Variants in LRP1B observed in about 807,000 individuals in gnomAD.
LRP1B encodes LDL receptor related protein 1B.
LRP1B carries 217 observed loss-of-function variants against 556.6 expected under a neutral mutation model. The observed-to-expected ratio is 0.39, with a 90% CI of 0.35 to 0.44. The LOEUF (loss-of-function observed/expected upper bound fraction) is 0.44. LRP1B is among the 20% of genes least tolerant of loss of function. The probability of loss-of-function intolerance (pLI) is 1.00; values close to 1 mark genes in which losing one functional copy is unlikely to be tolerated. For synonymous variants in LRP1B, 2,047 were observed against 1,865.8 expected, an observed-to-expected ratio of 1.10 and a Z score of -2.50; for missense variants, 5,053 against 5,620.8, an observed-to-expected ratio of 0.90 and a Z score of 3.23.
At chr2:140,878,877 C>T (rs1450410978) in intron 25 of LRP1B, among the ~76,000 whole-genome samples, 1 of 151,602 alleles carries the variant, frequency 6.6e-6, no homozygotes, top group Non-Finnish European at 1.5e-5. Flanking sequence ...CGTGGTGGCA[C>T]GCATCTGTAA....
At chr2:140,843,066 T>G (rs1692160801) in intron 29 of LRP1B, among the ~76,000 whole-genome samples, 2 of 105,288 alleles carry the variant, frequency 1.9e-5, no homozygotes, top group Admixed American at 2.4e-4. Context: ...GTTTTTTTTT[T>G]GTTTTTTTTT....
chr2:140,363,839 G>A (rs570159866), intron 72 of LRP1B, among the ~76,000 whole-genome samples: 7 of 151,538 alleles, frequency 4.6e-5, no homozygotes, highest in Admixed American at 6.6e-5. Flanking sequence ...GTGTAAGTAC[G>A]TACACTCATG....
chr2:140,689,748 A>T (rs1354540992), intron 41 of LRP1B, among the ~76,000 whole-genome samples: 2 of 152,142 alleles, frequency 1.3e-5, no homozygotes, highest in Non-Finnish European at 2.9e-5. Flanking sequence ...AATCAGCCTC[A>T]CTAACTATAA....
chr2:140,282,097 CA>C (rs1682938753), intron 84 of LRP1B, among the ~76,000 whole-genome samples: 1 of 151,780 alleles, frequency 6.6e-6, no homozygotes. Context: ...TTAAGTTCTC[CA>C]AGATATCCTT....
At chr2:141,243,640 T>C (rs1276234624) in intron 5 of LRP1B, among the ~76,000 whole-genome samples, 1 of 143,632 alleles carries the variant, frequency 7.0e-6, no homozygotes, top group African/African-American at 2.4e-5. Flanking sequence ...CTTTAAAAAA[T>C]ATGTTTCAGA....
At chr2:141,817,472 A>G (rs935573234) in intron 1 of LRP1B, among the ~76,000 whole-genome samples, 3 of 152,084 alleles carry the variant, frequency 2.0e-5, no homozygotes, top group Admixed American at 2.0e-4. Context: ...GAAAACATCT[A>G]ATTATGTATT....
chr2:142,010,528 C>T (rs754812948), intron 1 of LRP1B, among the ~76,000 whole-genome samples: 1 of 121,454 alleles, frequency 8.2e-6, no homozygotes, highest in Non-Finnish European at 1.6e-5. Flanking sequence ...GCACTCCAGG[C>T]TGGGCGACAG....
At chr2:141,352,385 T>A (rs1000119990) in intron 3 of LRP1B, among the ~76,000 whole-genome samples, 1 of 151,866 alleles carries the variant, frequency 6.6e-6, no homozygotes, top group Non-Finnish European at 1.5e-5. Context: ...TTTTTAAAAT[T>A]TTTTTTATTT....
chr2:140,726,159 G>C (rs534591404), intron 35 of LRP1B, among the ~76,000 whole-genome samples: 1 of 152,156 alleles, frequency 6.6e-6, no homozygotes, highest in East Asian at 1.9e-4. Context: ...ATGCTACACA[G>C]CCCCTCTTCC....
At chr2:140,533,296 T>C (rs900457178) in intron 47 of LRP1B, among the ~76,000 whole-genome samples, 9 of 152,160 alleles carry the variant, frequency 5.9e-5, no homozygotes, top group African/African-American at 2.2e-4. Flanking sequence ...TATTTAATAT[T>C]GTTTTTCTTA....
intron 1 of LRP1B, among the ~76,000 whole-genome samples, chr2:141,835,961 A>T (rs1346706446): frequency 6.6e-6 from 1 of 152,010 alleles, no homozygotes; most frequent in African/African-American, 2.4e-5. Context: ...AACTATAAAC[A>T]TTTTAATATC....
At chr2:140,340,232 A>T (rs1040305759) in intron 77 of LRP1B, among the ~76,000 whole-genome samples, 7 of 151,596 alleles carry the variant, frequency 4.6e-5, no homozygotes, top group Non-Finnish European at 1.0e-4. Context: ...TGAATTTGGA[A>T]TCAGAAGAAC....
intron 1 of LRP1B, among the ~76,000 whole-genome samples, chr2:142,016,308 C>T (rs1227505480): frequency 1.3e-5 from 2 of 152,088 alleles, no homozygotes; most frequent in African/African-American, 2.4e-5. Flanking sequence ...TACCATTTGA[C>T]CCAGCCATCC....
At chr2:141,816,791 A>AT (rs1320327998) in intron 1 of LRP1B, among the ~76,000 whole-genome samples, 3,110 of 147,148 alleles carry the variant, frequency 0.021, 55 homozygotes, top group African/African-American at 0.043. Flanking sequence ...CAAAAATGAC[A>AT]TTTTTTTTTT....
intron 2 of LRP1B, among the ~76,000 whole-genome samples, chr2:141,619,144 C>A (rs556130687): frequency 6.6e-6 from 1 of 152,174 alleles, no homozygotes; most frequent in Non-Finnish European, 1.5e-5. Context: ...TTATGCCACT[C>A]CCCACCTCAA....
chr2:141,659,945 T>C (rs948771022), intron 2 of LRP1B, among the ~76,000 whole-genome samples: 3 of 150,502 alleles, frequency 2.0e-5, no homozygotes, highest in Non-Finnish European at 4.4e-5. Flanking sequence ...ATTTAAGGGG[T>C]AAAGGCATAG....
At chr2:140,743,364 AAAAG>A (rs147193355) in intron 35 of LRP1B, among the ~76,000 whole-genome samples, 3,501 of 152,288 alleles carry the variant, frequency 0.023, 136 homozygotes, top group African/African-American at 0.079. Flanking sequence ...TATAATTGTG[AAAAG>A]AAAGGTTAGA....
chr2:141,182,587 G>A (rs1681054449), intron 7 of LRP1B, among the ~76,000 whole-genome samples: 1 of 151,722 alleles, frequency 6.6e-6, no homozygotes, highest in Non-Finnish European at 1.5e-5. Flanking sequence ...GAGAGAAGCT[G>A]CAACATTTCA....
intron 1 of LRP1B, among the ~76,000 whole-genome samples, chr2:141,876,819 C>G (rs1486341648): frequency 1.3e-5 from 2 of 151,890 alleles, no homozygotes; most frequent in Admixed American, 6.6e-5. Context: ...ACCCCCGACA[C>G]ACAAATTACA....
Sources: allele counts gnomAD v4.1 joint callset (sites outside exome capture counted in the v4.1 genomes callset), GRCh38; gene constraint gnomAD v4.1.1; transcripts MANE v1.5; gene names NCBI Gene and HGNC (gene_info 2026-07-23, HGNC 2026-07-21).